Variants in EDA observed in about 807,000 individuals in gnomAD.
EDA encodes the protein ectodysplasin A, also known as ectodysplasin-A.
A neutral mutation model predicts 23.6 loss-of-function variants in EDA; 2 were observed. That is an observed-to-expected ratio of 0.08 (90% CI 0.03 to 0.27). EDA has a LOEUF of 0.27. Ranked by LOEUF, EDA falls within the 10% of genes least tolerant of loss-of-function variation. The pLI, the probability that EDA is intolerant of heterozygous loss-of-function variation, is 1.00. For synonymous variants in EDA, 131 were observed against 132.0 expected (o/e 0.99, Z 0.05); for missense variants, 229 against 324.2 (o/e 0.71, Z 2.26).
chrX:69,813,865 ATCT>A (rs2016018110), intron 1 of EDA, among the ~76,000 whole-genome samples: 1 of 110,260 alleles, frequency 9.1e-6, no homozygotes, highest in Non-Finnish European at 1.9e-5. Flanking sequence ...GCTGTAGACC[ATCT>A]GTGCTTTCAG....
intron 1 of EDA, among the ~76,000 whole-genome samples, chrX:69,715,325 C>T (rs995037060): frequency 1.8e-5 from 2 of 110,559 alleles, no homozygotes; most frequent in East Asian, 2.8e-4. Flanking sequence ...CCCACTTATA[C>T]GTGAGAATAT....
chrX:69,776,674 C>G (rs935274690), intron 1 of EDA, among the ~76,000 whole-genome samples: 16 of 111,199 alleles, frequency 1.4e-4, no homozygotes, highest in Admixed American at 9.6e-4. Flanking sequence ...TGTGGCCTTC[C>G]TAATCATCTG....
chrX:69,783,356 A>G (rs900689201), intron 1 of EDA, among the ~76,000 whole-genome samples: 2 of 109,990 alleles, frequency 1.8e-5, no homozygotes, highest in African/African-American at 6.6e-5. Context: ...TTACATATGT[A>G]TACATGTGCC....
intron 1 of EDA, among the ~76,000 whole-genome samples, chrX:69,865,291 T>C (rs1324894243): frequency 9.0e-6 from 1 of 110,593 alleles, no homozygotes; most frequent in Non-Finnish European, 1.9e-5. Context: ...AAGTTTATAC[T>C]TAATAAACTC....
At chrX:70,016,747 C>T (rs890117324) in intron 2 of EDA, among the ~76,000 whole-genome samples, 2 of 111,648 alleles carry the variant, frequency 1.8e-5, no homozygotes, top group African/African-American at 6.5e-5. Flanking sequence ...TAGATGCCCA[C>T]ATCAAAAAGT....
chrX:69,616,265 G>T lies in EDA; in HGVS notation c.-44G>T. ...GAGGTCGTGAACGGCTGAGGCAGAC[G>T]CAGCGGCTCCCGGGCCTCAAGAGAG... On this transcript the variant is annotated 5_prime_UTR_variant, in exon 1 of 8. Transcript: ENST00000374552. The T allele has an allele frequency of 8.7e-7, 1 of 1,155,357 alleles. No individual in the cohort carries two copies. The highest frequency in any genetic ancestry group is 1.1e-6 in the Non-Finnish European group (1 of 871,994).
At chrX:69,670,338 C>G (rs557017388) in intron 1 of EDA, 1 of 363,219 alleles carries the variant, frequency 2.8e-6, no homozygotes, top group Non-Finnish European at 4.7e-6. Flanking sequence ...AAAGTTTTCT[C>G]TTTGACTTTT....
intron 1 of EDA, among the ~76,000 whole-genome samples, chrX:69,886,443 AG>A (rs924297276): frequency 1.8e-5 from 2 of 111,424 alleles, no homozygotes; most frequent in African/African-American, 6.5e-5. Flanking sequence ...CCCCAGAAAA[AG>A]GCTGAAGACT....
chrX:69,821,876 C>T (rs902521163), intron 1 of EDA, among the ~76,000 whole-genome samples: 1 of 111,880 alleles, frequency 8.9e-6, no homozygotes, highest in Admixed American at 9.5e-5. Flanking sequence ...TTTGGTGTTA[C>T]TAAATACATT....
At chrX:69,910,482 A>G (rs2018250533) in intron 1 of EDA, among the ~76,000 whole-genome samples, 1 of 107,023 alleles carries the variant, frequency 9.3e-6, no homozygotes, top group African/African-American at 3.4e-5. Flanking sequence ...ATACATTTAT[A>G]TCTTTGACCA....
chrX:69,684,626 C>T (rs1934484664), intron 1 of EDA, among the ~76,000 whole-genome samples: 1 of 111,819 alleles, frequency 8.9e-6, no homozygotes, highest in Admixed American at 9.5e-5. Context: ...CAATATATAC[C>T]TTTCTGTTCA....
At chrX:69,896,099 T>C (rs1445348913) in intron 1 of EDA, among the ~76,000 whole-genome samples, 3 of 111,136 alleles carry the variant, frequency 2.7e-5, no homozygotes, top group Non-Finnish European at 3.8e-5. Flanking sequence ...ATGGCCACTG[T>C]CTTGCTGCCT....
intron 4 of EDA, 48 bp downstream of exon 4, chrX:70,028,084 T>C: frequency 7.7e-6 from 9 of 1,174,826 alleles, no homozygotes; most frequent in Non-Finnish European, 8.0e-6. Flanking sequence ...TAAAGTACTT[T>C]AGGAGAGCAG....
intron 1 of EDA, among the ~76,000 whole-genome samples, chrX:69,815,523 C>T (rs965224251): frequency 1.8e-5 from 2 of 109,879 alleles, no homozygotes; most frequent in Non-Finnish European, 3.8e-5. Flanking sequence ...ACAGTCTGGA[C>T]GAGGAAGGGT....
At chrX:69,676,748 G>A (rs1054648262) in intron 1 of EDA, among the ~76,000 whole-genome samples, 1 of 111,104 alleles carries the variant, frequency 9.0e-6, no homozygotes, top group Non-Finnish European at 1.9e-5. Context: ...TAATTCAGTA[G>A]GTGGACTCCC....
intron 1 of EDA, among the ~76,000 whole-genome samples, chrX:69,710,474 T>C (rs1465303247): frequency 2.7e-5 from 3 of 111,613 alleles, no homozygotes; most frequent in African/African-American, 9.8e-5. Context: ...GACTTGGCAA[T>C]GCGGGCTCTT....
intron 1 of EDA, among the ~76,000 whole-genome samples, chrX:69,810,803 T>C (rs954575492): frequency 9.1e-6 from 1 of 110,426 alleles, no homozygotes; most frequent in Non-Finnish European, 1.9e-5. Flanking sequence ...AGATTTAATT[T>C]AATCCTTTGG....
intron 2 of EDA, among the ~76,000 whole-genome samples, chrX:69,994,625 A>C (rs1191679227): frequency 8.9e-6 from 1 of 112,178 alleles, no homozygotes; most frequent in Non-Finnish European, 1.9e-5. Context: ...TGCCTAAAAC[A>C]CTTACCACCA....
At chrX:70,017,950 C>A (rs893466313) in intron 2 of EDA, among the ~76,000 whole-genome samples, 2 of 111,650 alleles carry the variant, frequency 1.8e-5, no homozygotes, top group Non-Finnish European at 3.8e-5. Context: ...ACCTAGAAAA[C>A]CCCCATAGTC....
Sources: gnomAD v4.1 joint callset for allele counts (sites outside exome capture counted in the v4.1 genomes callset) on GRCh38, gnomAD v4.1.1 for gene constraint, MANE v1.5 for transcripts, NCBI Gene and HGNC (gene_info 2026-07-23, HGNC 2026-07-21) for gene names.